TENT5D: variants seen among roughly 807,000 people sequenced by gnomAD.
The protein encoded by TENT5D is cancer/testis antigen 112.
For synonymous variants in TENT5D, 103 were observed against 100.6 expected (o/e 1.02, Z -0.15); for missense variants, 191 against 287.0 (o/e 0.67, Z 2.42).
chrX:80,381,271 A>G (rs1327287716), intron 3 of TENT5D, among the ~76,000 whole-genome samples: 1 of 112,079 alleles, frequency 8.9e-6, no homozygotes, highest in African/African-American at 3.2e-5. Context: ...TTCTTTAAGA[A>G]TGTTGAATAT....
chrX:80,417,606 C>A (rs1249804260), upstream of TENT5D, among the ~76,000 whole-genome samples: 2 of 111,185 alleles, frequency 1.8e-5, no homozygotes, highest in Non-Finnish European at 3.8e-5. Flanking sequence ...CTTTGAATTT[C>A]TTTTATTTAA....
chrX:80,340,009 T>G (rs1192735419), intron 2 of TENT5D, among the ~76,000 whole-genome samples: 5 of 110,191 alleles, frequency 4.5e-5, no homozygotes, highest in Non-Finnish European at 9.5e-5. Flanking sequence ...AAATGAAGTT[T>G]TATTATTACT....
chrX:80,443,666 C>A, exon 3 of TENT5D: 1 of 1,201,187 alleles, frequency 8.3e-7, no homozygotes, highest in South Asian at 1.8e-5. Context: ...AGCTTCCAGC[C>A]ATACCACCCA....
At chrX:80,423,137 C>G (rs919292545) in intron 1 of TENT5D, among the ~76,000 whole-genome samples, 7 of 112,050 alleles carry the variant, frequency 6.2e-5, no homozygotes, top group African/African-American at 2.3e-4. Flanking sequence ...TCATTTACAT[C>G]AGAAGCAAGA....
At chrX:80,403,602 G>T (rs1931429464) in intron 3 of TENT5D, among the ~76,000 whole-genome samples, 1 of 112,288 alleles carries the variant, frequency 8.9e-6, no homozygotes, top group Non-Finnish European at 1.9e-5. Context: ...TCCCTAGCTG[G>T]ATAATTCTTT....
At chrX:80,381,756 C>A (rs774475006) in intron 3 of TENT5D, among the ~76,000 whole-genome samples, 1 of 112,086 alleles carries the variant, frequency 8.9e-6, no homozygotes, top group African/African-American at 3.2e-5. Context: ...GAATCAGCTA[C>A]TGAAGCTTGT....
chrX:80,407,237 T>A (rs1278134226), intron 3 of TENT5D, among the ~76,000 whole-genome samples: 1 of 108,425 alleles, frequency 9.2e-6, no homozygotes, highest in Non-Finnish European at 1.9e-5. Context: ...CAGGATCAAA[T>A]CCACACATAA....
In TENT5D at chrX:80,377,139, A is replaced by G. The variant is rs1930745377; in HGVS notation, c.-142+34575A>G. ...ACAACTTCCTATCAAATAATTGGCA[A>G]TGATTTTAATTCATATACTTACCCA... On this transcript the variant is annotated intron_variant, in intron 3 of 4. Coordinates refer to the TENT5D transcript ENST00000538312. 3.6e-5 allele frequency among the ~76,000 whole-genome samples: 4 copies of G among 111,987 alleles called. No individual in the cohort carries two copies. In the South Asian group the frequency reaches 1.5e-3, roughly 41 times the overall value.
At chrX:80,428,340 G>A (rs1932022125) in intron 1 of TENT5D, among the ~76,000 whole-genome samples, 1 of 111,923 alleles carries the variant, frequency 8.9e-6, no homozygotes, top group Non-Finnish European at 1.9e-5. Context: ...ATTCCCCATG[G>A]TTAACCTGTT....
intron 3 of TENT5D, among the ~76,000 whole-genome samples, chrX:80,413,757 G>GT (rs1267775147): frequency 1.8e-5 from 2 of 111,878 alleles, no homozygotes; most frequent in Non-Finnish European, 3.8e-5. Context: ...TTTCGGGTAT[G>GT]TATCAGCAGC....
At chrX:80,392,707 G>A (rs1262665903) in intron 3 of TENT5D, among the ~76,000 whole-genome samples, 8 of 102,314 alleles carry the variant, frequency 7.8e-5, no homozygotes, top group Non-Finnish European at 1.4e-4. Context: ...TAGTAGAGAC[G>A]GGGTTTCACC....
At chrX:80,394,005 C>T (rs1931189025) in intron 3 of TENT5D, among the ~76,000 whole-genome samples, 1 of 111,872 alleles carries the variant, frequency 8.9e-6, no homozygotes, top group African/African-American at 3.3e-5. Flanking sequence ...GTGAATAGTG[C>T]TGCAATGAAC....
chrX:80,405,896 A>G (rs751942128), intron 3 of TENT5D, among the ~76,000 whole-genome samples: 1,259 of 109,687 alleles, frequency 0.011, 24 homozygotes, highest in African/African-American at 0.039. Context: ...CACGCAGCTG[A>G]AGATCTGAGA....
At chrX:80,387,993 C>A (rs756107360) in intron 3 of TENT5D, among the ~76,000 whole-genome samples, 2 of 111,415 alleles carry the variant, frequency 1.8e-5, no homozygotes, top group Admixed American at 9.5e-5. Context: ...ACAGAGCAGT[C>A]TCCCCTGCTG....
intron 1 of TENT5D, among the ~76,000 whole-genome samples, chrX:80,422,683 T>A (rs1931913973): frequency 9.1e-6 from 1 of 110,031 alleles, no homozygotes; most frequent in African/African-American, 3.3e-5. Flanking sequence ...TGAACAGAAG[T>A]TTTTTGGGTT....
intron 3 of TENT5D, among the ~76,000 whole-genome samples, chrX:80,389,998 CT>C (rs1160189130): frequency 9.0e-6 from 1 of 110,905 alleles, no homozygotes; most frequent in African/African-American, 3.3e-5. Flanking sequence ...CAGAACAAAA[CT>C]TTTGAGTATT....
At chrX:80,440,759 T>C (rs1932268434) in intron 2 of TENT5D, among the ~76,000 whole-genome samples, 1 of 111,257 alleles carries the variant, frequency 9.0e-6, no homozygotes, top group Admixed American at 9.6e-5. Flanking sequence ...TGCTGTATCA[T>C]AAATTAAAAT....
Position 80,436,621 on chromosome X carries a change from AT to A in TENT5D, c.-141-1988del, listed in dbSNP as rs1932189230. Among the ~76,000 whole-genome samples, 3 of 110,316 alleles carry A rather than the reference AT, an allele frequency of 2.7e-5. No individual in the cohort carries two copies. In the South Asian group the frequency reaches 1.2e-3, roughly 44 times the overall value. On this transcript the variant is annotated intron_variant, in intron 1 of 2. Coordinates refer to ENST00000308293, the Ensembl canonical transcript of TENT5D. ...TGTTCTCACTGTTCAACTCCCACTT[AT>A]GAGTGAGAACCTGCGGTGTTTGGCT...
chrX:80,404,415 C>T (rs1374361555), intron 3 of TENT5D, among the ~76,000 whole-genome samples: 1 of 111,383 alleles, frequency 9.0e-6, no homozygotes, highest in Non-Finnish European at 1.9e-5. Flanking sequence ...GGTTTGTAAC[C>T]TTTATAATTT....
Sources: gnomAD v4.1 joint callset for allele counts (sites outside exome capture counted in the v4.1 genomes callset) on GRCh38, gnomAD v4.1.1 for gene constraint, MANE v1.5 for transcripts, NCBI Gene and HGNC (gene_info 2026-07-23, HGNC 2026-07-21) for gene names.